Variants in RBM6 observed in about 807,000 individuals in gnomAD.
The protein encoded by RBM6 is RNA binding motif protein 6.
Under a neutral mutation model 140.4 loss-of-function variants are expected in RBM6, and 23 were observed. That is an observed-to-expected ratio of 0.16 (90% CI 0.12 to 0.23). RBM6 has a LOEUF of 0.23. Among genes scored for constraint, RBM6 ranks in the 10% least tolerant of loss-of-function variants. The pLI is 1.00. For synonymous variants in RBM6, 439 were observed against 475.6 expected (o/e 0.92, Z 1.00); for missense variants, 1,139 against 1,386.7 (o/e 0.82, Z 2.84).
chr3:50,008,950 A>G (rs1361144237), intron 6 of RBM6, among the ~76,000 whole-genome samples: 1 of 152,204 alleles, frequency 6.6e-6, no homozygotes, highest in Non-Finnish European at 1.5e-5. Context: ...AGTATGTAGT[A>G]TATGTAAAGT....
Position 50,058,466 on chromosome 3 carries a change from C to G in RBM6, c.2034C>G (p.Pro678=), listed in dbSNP as rs780530602. The change falls in exon 10 of 21, where the codon CCC becomes CCG. Residue 678 remains proline (P), a synonymous_variant. Transcript: ENST00000266022. ...PPEVIVEVLE[P]YVRLTTANVR... is the part of the protein sequence containing the mutation. ...AGGTGATAGTGGAAGTGCTGGAGCC[C>G]TATGTCCGCCTTACTACTGCCAACG... 1 of 1,605,600 alleles carries G rather than the reference C, an allele frequency of 6.2e-7. No individual in the cohort carries two copies. Among genetic ancestry groups the G allele is most frequent in the African/African-American group, 1.3e-5 (1 of 74,702 alleles).
intron 1 of RBM6, among the ~76,000 whole-genome samples, chr3:49,951,883 T>A (rs2083752304): frequency 6.6e-6 from 1 of 151,916 alleles, no homozygotes; most frequent in Non-Finnish European, 1.5e-5. Flanking sequence ...CCACCACGCC[T>A]GGCTAATTTT....
intron 18 of RBM6, among the ~76,000 whole-genome samples, chr3:50,069,544 G>A (rs1456607642): frequency 6.6e-6 from 1 of 150,474 alleles, no homozygotes; most frequent in Non-Finnish European, 1.5e-5. Context: ...CCTGTGGAGA[G>A]CCAGGCACAG....
rs145966180 is a variant in RBM6, at chr3:49,968,678, T to C, written c.1253T>C (p.Met418Thr). ...DVDHRLPGSQ[M>T]FGYGQSKSFP... ...GATCATAGGCTGCCAGGAAGCCAGA[T>C]GTTTGGCTATGGCCAGAGCAAGTCT... The change falls in exon 3 of 21, where the codon ATG (methionine) becomes ACG (threonine). Residue 418 changes from methionine to threonine, a missense_variant. Around this residue, in one of 9 missense-constraint regions of RBM6, gnomAD observed 566 missense variants for 612.7 expected, o/e 0.92. Transcript: ENST00000266022. The C allele has an allele frequency of 1.2e-6, 2 of 1,613,856 alleles. No homozygotes were observed. Among genetic ancestry groups the C allele is most frequent in the Non-Finnish European group, 1.7e-6 (2 of 1,180,038 alleles).
At chr3:50,064,084 C>T (rs544122243) in intron 15 of RBM6, among the ~76,000 whole-genome samples, 1 of 152,050 alleles carries the variant, frequency 6.6e-6, no homozygotes, top group South Asian at 2.1e-4. Context: ...CAGGCGCTGC[C>T]ACAACGCCCA....
intron 5 of RBM6, among the ~76,000 whole-genome samples, chr3:49,990,387 C>T (rs1388562038): frequency 6.6e-6 from 1 of 152,114 alleles, no homozygotes; most frequent in African/African-American, 2.4e-5. Context: ...ATTGTGCCAC[C>T]AAATCAACAA....
At chr3:50,060,861 G>A in intron 11 of RBM6, 95 bp from the exon 12 acceptor site, 4 of 1,333,428 alleles carry the variant, frequency 3.0e-6, no homozygotes, top group Non-Finnish European at 3.0e-6. Context: ...TGCAAAATGA[G>A]GAACAGAGGA....
intron 7 of RBM6, 151 bp downstream of exon 7, chr3:50,048,470 A>T (rs959231445): frequency 7.0e-7 from 1 of 1,436,612 alleles, no homozygotes; most frequent in Non-Finnish European, 9.1e-7. Flanking sequence ...GGTCAAGACA[A>T]GGTCATTCAT....
intron 1 of RBM6, among the ~76,000 whole-genome samples, chr3:49,945,500 C>G (rs1307498484): frequency 2.6e-5 from 4 of 151,944 alleles, no homozygotes; most frequent in Non-Finnish European, 5.9e-5. Context: ...GAATTGTGTC[C>G]CCCTGAAAAT....
Position 49,967,262 on chromosome 3 carries a change from C to A in RBM6, c.45-208C>A. The A allele has an allele frequency of 7.5e-7, 1 of 1,342,276 alleles. No individual in the cohort carries two copies. The highest frequency in any genetic ancestry group is 2.7e-5 in the East Asian group (1 of 36,892). The allele number at this position is 1,342,276 out of a possible 1,614,324, so 83.1% of individuals were successfully genotyped here. A position where few individuals can be genotyped will look rare whatever the true frequency, so the allele number is the denominator to read the frequency against. ...ACCTTGTGTTGACTTTCCTCGTGTTCTGAAATGGGAGCATAAAAGTTTACT... is the reference window on the plus strand; with the variant it reads ...ACCTTGTGTTGACTTTCCTCGTGTTATGAAATGGGAGCATAAAAGTTTACT... On this transcript the variant is annotated intron_variant, in intron 2 of 20. Coordinates refer to ENST00000266022, the MANE Select transcript of RBM6 (RefSeq NM_005777.3). The surrounding 1 kb of genome is among the most constrained non-coding windows in gnomAD (Gnocchi z 4.0).
intron 1 of RBM6, among the ~76,000 whole-genome samples, chr3:49,949,200 C>A (rs1559513490): frequency 1.3e-5 from 2 of 151,946 alleles, no homozygotes; most frequent in Admixed American, 6.6e-5. Flanking sequence ...ATTCTTTAAT[C>A]TTCTTCATTT....
intron 6 of RBM6, among the ~76,000 whole-genome samples, chr3:50,037,433 C>T (rs536518885): frequency 2.6e-5 from 4 of 152,138 alleles, no homozygotes; most frequent in Non-Finnish European, 5.9e-5. Flanking sequence ...ATAGTCACCT[C>T]CCTAAAATAT....
At chr3:50,045,665 C>T (rs929255242) in intron 6 of RBM6, among the ~76,000 whole-genome samples, 2 of 152,156 alleles carry the variant, frequency 1.3e-5, no homozygotes, top group African/African-American at 2.4e-5. Flanking sequence ...ACCTAGCAAG[C>T]AAGCAAGGTG....
At chr3:50,063,484 T>G (rs2090013897) in intron 15 of RBM6, among the ~76,000 whole-genome samples, 1 of 151,632 alleles carries the variant, frequency 6.6e-6, no homozygotes, top group African/African-American at 2.4e-5. Context: ...ATGCCTGTAG[T>G]CCAAGCTACT....
chr3:50,017,578 G>GA (rs898015722), intron 6 of RBM6, among the ~76,000 whole-genome samples: 8 of 149,278 alleles, frequency 5.4e-5, no homozygotes, highest in Admixed American at 1.3e-4. Context: ...AAAAGAAAAA[G>GA]AAAAAAAAAT....
chr3:49,954,902 G>C (rs1191073581), intron 1 of RBM6, among the ~76,000 whole-genome samples: 1 of 151,708 alleles, frequency 6.6e-6, no homozygotes, highest in Non-Finnish European at 1.5e-5. Context: ...GGGACTGCAG[G>C]CGCACACTGC....
intron 20 of RBM6, among the ~76,000 whole-genome samples, chr3:50,076,360 A>G (rs1343512054): frequency 6.6e-6 from 1 of 151,566 alleles, no homozygotes; most frequent in African/African-American, 2.4e-5. Context: ...AGGTGGGTGG[A>G]TCACAAGGTC....
intron 4 of RBM6, among the ~76,000 whole-genome samples, chr3:49,972,465 T>C (rs2084843930): frequency 6.6e-6 from 1 of 152,208 alleles, no homozygotes; most frequent in Non-Finnish European, 1.5e-5. Context: ...TTAGAGCATA[T>C]TATTTCTGGA....
At chr3:50,070,838 G>A (rs999726284) in intron 19 of RBM6, among the ~76,000 whole-genome samples, 9 of 152,148 alleles carry the variant, frequency 5.9e-5, no homozygotes, top group Non-Finnish European at 1.0e-4. Flanking sequence ...CCCTCTTTAC[G>A]GGCCTGATAA....
Sources: gnomAD v4.1 joint callset for allele counts (sites outside exome capture counted in the v4.1 genomes callset) on GRCh38, gnomAD v4.1.1 for gene constraint, gnomAD v4.1.1 regional missense constraint, Gnocchi (gnomAD v3.1) non-coding constraint, MANE v1.5 for transcripts, NCBI Gene and HGNC (gene_info 2026-07-23, HGNC 2026-07-21) for gene names.